The following CLYBL variants were observed in gnomAD, a reference collection of about 807,000 sequenced individuals.
CLYBL encodes the protein citramalyl-CoA lyase, also known as citramalyl-CoA lyase, mitochondrial.
In CLYBL, 31 loss-of-function variants were observed where a neutral mutation model predicts 38.9. That is an observed-to-expected ratio of 0.80 (90% CI 0.60 to 1.08). CLYBL has a LOEUF of 1.08. Among genes scored for constraint, CLYBL ranks in the 50% least tolerant of loss-of-function variants. The probability of loss-of-function intolerance (pLI) is 0.00; values close to 1 mark genes in which losing one functional copy is unlikely to be tolerated. For synonymous variants in CLYBL, 171 were observed against 158.6 expected, an observed-to-expected ratio of 1.08 and a Z score of -0.59; for missense variants, 434 against 411.6, an observed-to-expected ratio of 1.05 and a Z score of -0.47.
chr13:99,815,389 CT>C (rs1461031900), intron 2 of CLYBL, among the ~76,000 whole-genome samples: 1 of 152,014 alleles, frequency 6.6e-6, no homozygotes, highest in Non-Finnish European at 1.5e-5. Context: ...GAGACTCCAT[CT>C]CTACCAAAAG....
At chr13:99,821,463 T>G (rs1041414441) in intron 2 of CLYBL, among the ~76,000 whole-genome samples, 2 of 152,222 alleles carry the variant, frequency 1.3e-5, no homozygotes, top group African/African-American at 4.8e-5. Context: ...CACTTAATTT[T>G]CTTTTCTTTG....
At chr13:99,755,196 C>T (rs190055299) in intron 1 of CLYBL, among the ~76,000 whole-genome samples, 148 of 152,336 alleles carry the variant, frequency 9.7e-4, no homozygotes, top group African/African-American at 3.4e-3. Flanking sequence ...CGCGCCCGGC[C>T]CTAGATGATC....
chr13:99,900,384 C>G (rs1388209396), downstream of CLYBL, among the ~76,000 whole-genome samples: 1 of 152,042 alleles, frequency 6.6e-6, no homozygotes, highest in Non-Finnish European at 1.5e-5. Flanking sequence ...TTAACAGTCT[C>G]CTAGCTCCAC....
intron 7 of CLYBL, among the ~76,000 whole-genome samples, chr13:99,882,768 G>T (rs936752691): frequency 5.9e-5 from 9 of 152,124 alleles, no homozygotes; most frequent in African/African-American, 2.2e-4. Context: ...CCAATTTTCA[G>T]TTTGGAAACT....
chr13:99,842,939 A>T (rs561241330), intron 2 of CLYBL, among the ~76,000 whole-genome samples: 1 of 151,008 alleles, frequency 6.6e-6, no homozygotes, highest in Non-Finnish European at 1.5e-5. Context: ...AAAAAAAGGC[A>T]TTTTTTTTTA....
At chr13:99,748,345 A>C (rs370634131) in intron 1 of CLYBL, among the ~76,000 whole-genome samples, 1 of 150,292 alleles carries the variant, frequency 6.7e-6, no homozygotes, top group East Asian at 2.0e-4. Context: ...GTGCCACTGC[A>C]CTGCAGCCTG....
chr13:99,634,151 C>A (rs1442760868), intron 1 of CLYBL, among the ~76,000 whole-genome samples: 1 of 152,054 alleles, frequency 6.6e-6, no homozygotes, highest in African/African-American at 2.4e-5. Flanking sequence ...ACAGAAGGAA[C>A]AATAATATAA....
chr13:99,627,981 G>A (rs191900698), intron 1 of CLYBL, among the ~76,000 whole-genome samples: 2 of 152,294 alleles, frequency 1.3e-5, no homozygotes, highest in East Asian at 3.9e-4. Flanking sequence ...GCCCACTGGT[G>A]CTGTATTTGG....
rs186370584 is a variant in CLYBL, at chr13:99,752,042, A to G, written c.63-20782A>G. Among the ~76,000 whole-genome samples the G allele has an allele frequency of 5.9e-5, 9 of 152,202 alleles. No individual in the cohort carries two copies. The South Asian group carries it at 1.0e-3, about 18-fold the overall frequency. On this transcript the variant is annotated intron_variant, in intron 1 of 8. Transcript: ENST00000339105. ...ACCTTTGCTCACTACACACATTCCA[A>G]CTCACAACACACACAACATACAAAA...
At chr13:99,773,422 A>G (rs2049442532) in intron 2 of CLYBL, among the ~76,000 whole-genome samples, 1 of 152,162 alleles carries the variant, frequency 6.6e-6, no homozygotes, top group Non-Finnish European at 1.5e-5. Context: ...GTGAACAAGC[A>G]TTATGGCCTA....
At chr13:99,756,010 T>A (rs2049056541) in intron 1 of CLYBL, among the ~76,000 whole-genome samples, 1 of 152,180 alleles carries the variant, frequency 6.6e-6, no homozygotes, top group African/African-American at 2.4e-5. Context: ...TTATAAGACT[T>A]CTTCTCCACT....
At chr13:99,880,041 T>G (rs2052155642) in intron 7 of CLYBL, among the ~76,000 whole-genome samples, 1 of 95,816 alleles carries the variant, frequency 1.0e-5, no homozygotes, top group Non-Finnish European at 2.2e-5. Flanking sequence ...ATTCCATATA[T>G]GTGTGTATGT....
At chr13:99,614,832 C>T (rs980553207) in intron 1 of CLYBL, among the ~76,000 whole-genome samples, 3 of 152,208 alleles carry the variant, frequency 2.0e-5, no homozygotes, top group Admixed American at 2.0e-4. Flanking sequence ...CCCTCCCTCT[C>T]TCTGTCCCAT....
At chr13:99,755,120 C>T (rs1017048823) in intron 1 of CLYBL, among the ~76,000 whole-genome samples, 1 of 151,636 alleles carries the variant, frequency 6.6e-6, no homozygotes, top group Non-Finnish European at 1.5e-5. Context: ...GATGGTCTCG[C>T]TCTCCTGACC....
chr13:99,761,908 C>A (rs901989464), intron 1 of CLYBL, among the ~76,000 whole-genome samples: 3 of 152,158 alleles, frequency 2.0e-5, no homozygotes, highest in African/African-American at 7.2e-5. Context: ...ATTTGCATTC[C>A]TCTGATGACT....
chr13:99,623,913 C>T (rs1199558675), intron 1 of CLYBL, among the ~76,000 whole-genome samples: 2 of 145,266 alleles, frequency 1.4e-5, no homozygotes, highest in African/African-American at 5.2e-5. Context: ...GAGCCGAGAT[C>T]GTGCCACTGC....
intron 1 of CLYBL, among the ~76,000 whole-genome samples, chr13:99,674,408 C>G (rs900731204): frequency 6.6e-6 from 1 of 151,994 alleles, no homozygotes; most frequent in African/African-American, 2.4e-5. Flanking sequence ...TCTCGGCCTC[C>G]CAAAGTGCTG....
chr13:99,771,615 G>A (rs943829304), intron 1 of CLYBL, among the ~76,000 whole-genome samples: 10 of 152,126 alleles, frequency 6.6e-5, no homozygotes, highest in Admixed American at 4.6e-4. Context: ...TGGTTTTCAC[G>A]GGATAAACTA....
At chr13:99,618,618 A>G (rs1458338613) in intron 1 of CLYBL, among the ~76,000 whole-genome samples, 3 of 152,132 alleles carry the variant, frequency 2.0e-5, no homozygotes, top group African/African-American at 4.8e-5. Flanking sequence ...AAGTACATTC[A>G]CATTGTTGTA....
Sources: allele counts gnomAD v4.1 joint callset (sites outside exome capture counted in the v4.1 genomes callset), GRCh38; gene constraint gnomAD v4.1.1; transcripts MANE v1.5; gene names NCBI Gene and HGNC (gene_info 2026-07-23, HGNC 2026-07-21).